MFAP1: variants seen among roughly 807,000 people sequenced by gnomAD.
The protein encoded by MFAP1 is microfibril associated protein 1.
In MFAP1, 18 loss-of-function variants were observed where a neutral mutation model predicts 62.2. The ratio of observed to expected loss-of-function variants is 0.29; its 90% CI spans 0.20 to 0.43. The LOEUF is 0.43. Ranked by LOEUF, MFAP1 falls within the 20% of genes least tolerant of loss-of-function variation. MFAP1 has a pLI of 1.00. For missense variants in MFAP1, 355 were observed against 559.7 expected (o/e 0.63, Z 3.69); for synonymous variants, 175 against 180.4 (o/e 0.97, Z 0.24).
chr15:43,819,646 C>T (rs886365511), intron 1 of MFAP1, among the ~76,000 whole-genome samples: 2 of 152,166 alleles, frequency 1.3e-5, no homozygotes, highest in Admixed American at 1.3e-4. Flanking sequence ...TTCTCCCTGC[C>T]TCAGGCTCCT....
At chr15:43,817,078 GGAT>G in intron 2 of MFAP1, 148 bp downstream of exon 2, 1 of 805,190 alleles carries the variant, frequency 1.2e-6, no homozygotes, top group Non-Finnish European at 1.9e-6. Flanking sequence ...TGTGAAATGG[GGAT>G]AATAGCACCT....
Position 43,804,952 on chromosome 15 carries a change from C to CTAGCCCAGACT in MFAP1, c.*141_*142insAGTCTGGGCTA. 1.1e-6 allele frequency: 1 copy of CTAGCCCAGACT among 905,612 alleles called. No homozygotes were observed. Among genetic ancestry groups the CTAGCCCAGACT allele is most frequent in the Non-Finnish European group, 1.6e-6 (1 of 610,710 alleles). The allele number at this position is 905,612 out of a possible 1,614,324, so 56.1% of individuals were successfully genotyped here. ...AAACCTCACAAAGCACCTTCAAAGT[C>CTAGCCCAGACT]TGGGCTACCCAGTATCACAAGTATA... On this transcript the variant is annotated 3_prime_UTR_variant, in exon 9 of 9. Coordinates refer to ENST00000267812, the MANE Select transcript of MFAP1 (RefSeq NM_005926.3).
At chr15:43,823,729 A>G (rs1482371663) in intron 1 of MFAP1, among the ~76,000 whole-genome samples, 1 of 152,206 alleles carries the variant, frequency 6.6e-6, no homozygotes, top group African/African-American at 2.4e-5. Context: ...TAGGGAATAA[A>G]GTGTGGATTA....
At position 43,817,234 on chromosome 15, in the gene MFAP1, T is replaced by C. The variant is rs1336304024; in HGVS notation, c.294A>G (p.Glu98=). The stretch of plus-strand genomic sequence containing the variant: ...AACACAATCACAGACATTACCTCTC[T>C]TCCACATCTTCACTAATACGGTTCT... ...RLQNRISEDV[E]ERLARHRKIV... Residue 98 remains glutamate, a synonymous_variant, in exon 2 of 9, where the codon GAA becomes GAG. Coordinates refer to ENST00000267812, the MANE Select transcript of MFAP1 (RefSeq NM_005926.3). 1 of 1,613,190 alleles carries C rather than the reference T, an allele frequency of 6.2e-7. No individual in the cohort carries two copies. Among genetic ancestry groups the C allele is most frequent in the Non-Finnish European group, 8.5e-7 (1 of 1,179,982 alleles).
chr15:43,823,660 A>C (rs1304200685), intron 1 of MFAP1, among the ~76,000 whole-genome samples: 1 of 152,208 alleles, frequency 6.6e-6, no homozygotes, highest in Non-Finnish European at 1.5e-5. Flanking sequence ...TATGGGCATA[A>C]GACACCGTGC....
Position 43,814,554 on chromosome 15 carries a change from G to A in MFAP1, c.564C>T (p.Tyr188=), listed in dbSNP as rs1441402568. 1.9e-6 allele frequency: 3 copies of A among 1,614,048 alleles called. No individual in the cohort carries two copies. Among genetic ancestry groups the A allele is most frequent in the Non-Finnish European group, 2.5e-6 (3 of 1,180,048 alleles). The change falls in exon 4 of 9, where the codon TAC becomes TAT. Residue 188 remains tyrosine (Y), a synonymous_variant. Transcript: ENST00000267812. ...GCTCCATCTCATCTTCACTGTCTGT[G>A]TACTCTTCATACTCAGACTCTGATT... ...ESESESEYEE[Y]TDSEDEMEPR...
chr15:43,805,833 C>T (rs186892014), intron 7 of MFAP1, among the ~76,000 whole-genome samples: 19 of 152,054 alleles, frequency 1.2e-4, no homozygotes, highest in Admixed American at 8.5e-4. Context: ...CAGATGGTCT[C>T]GATATCCCGA....
At chr15:43,807,722 A>G (rs2087374797) in intron 7 of MFAP1, among the ~76,000 whole-genome samples, 1 of 151,390 alleles carries the variant, frequency 6.6e-6, no homozygotes, top group Admixed American at 6.6e-5. Flanking sequence ...CAAATATAAC[A>G]TCTCTCTCGT....
chr15:43,806,873 AAAATAAATAAAT>A (rs568880077), intron 7 of MFAP1, among the ~76,000 whole-genome samples: 1 of 151,690 alleles, frequency 6.6e-6, no homozygotes, highest in East Asian at 2.0e-4. Flanking sequence ...TTCCATCTCA[AAAATAAATAAAT>A]AAATAAATAA....
At chr15:43,807,637 C>T (rs149509308) in intron 7 of MFAP1, among the ~76,000 whole-genome samples, 1,616 of 152,028 alleles carry the variant, frequency 0.011, 30 homozygotes, top group African/African-American at 0.036. Flanking sequence ...CGTGAGCCAC[C>T]GCGCCCGGCC....
intron 1 of MFAP1, among the ~76,000 whole-genome samples, chr15:43,819,214 CA>C (rs1333534244): frequency 6.6e-6 from 1 of 151,420 alleles, no homozygotes; most frequent in Admixed American, 6.6e-5. Context: ...CAAAACAAAA[CA>C]AAATTCCAAA....
intron 1 of MFAP1, among the ~76,000 whole-genome samples, chr15:43,818,958 A>G (rs541539404): frequency 2.3e-4 from 35 of 152,206 alleles, no homozygotes; most frequent in African/African-American, 8.4e-4. Context: ...TTGGAAAGCC[A>G]AGGTGGGCAG....
In MFAP1 at chr15:43,805,415, C is replaced by T; in HGVS notation, c.1098G>A (p.Glu366=). The stretch of plus-strand genomic sequence containing the variant: ...GAAGAATGGTTTTATTGAAATGATC[C>T]TCCAGGGTAGGAGCGCTGAAATCTC... ...YKRDFSAPTL[E]DHFNKTILPK... is the part of the protein sequence containing the mutation. Residue 366 remains glutamate, a synonymous_variant, in exon 8 of 9, where the codon GAG becomes GAA. Transcript: ENST00000267812. The T allele has an allele frequency of 6.2e-7, 1 of 1,613,762 alleles. No individual in the cohort carries two copies. Among genetic ancestry groups the T allele is most frequent in the East Asian group, 2.2e-5 (1 of 44,888 alleles).
chr15:43,809,277 A>G (rs2087383388), intron 7 of MFAP1, among the ~76,000 whole-genome samples: 1 of 151,562 alleles, frequency 6.6e-6, no homozygotes. Context: ...CAGAAGGTCA[A>G]CACCAGCCTG....
rs1202432230 is a variant in MFAP1 at position 43,824,550 on chromosome 15, A to G, written c.20T>C (p.Leu7Pro). Residue 7 changes from leucine (L) to proline (P), a missense_variant, in exon 1 of 9, where the codon CTC becomes CCC. By Grantham distance (98) the Leu-to-Pro change is moderately conservative (BLOSUM62 -3). Coordinates refer to ENST00000267812, the MANE Select transcript of MFAP1 (RefSeq NM_005926.3). ...AGACTGAATGGGCGGTTGCTTCATG[A>G]GAGCGCTTGGGACCGACATGTTGAT... Reference protein sequence around the residue: MSVPSALMKQPPIQSTA... With the variant: MSVPSAPMKQPPIQSTA... 6.2e-7 allele frequency: 1 copy of G among 1,614,192 alleles called. No individual in the cohort carries two copies. The highest frequency in any genetic ancestry group is 2.2e-5 in the East Asian group (1 of 44,884).
intron 6 of MFAP1, among the ~76,000 whole-genome samples, chr15:43,810,918 G>A (rs1010902393): frequency 3.3e-5 from 5 of 151,288 alleles, no homozygotes; most frequent in Non-Finnish European, 7.4e-5. Flanking sequence ...CACCATGCCC[G>A]ACTAATTTTT....
Position 43,814,609 on chromosome 15 carries a change from T to C in MFAP1, c.509A>G (p.Glu170Gly). 6.2e-7 allele frequency: 1 copy of C among 1,614,176 alleles called. No individual in the cohort carries two copies. The highest frequency in any genetic ancestry group is 8.5e-7 in the Non-Finnish European group (1 of 1,180,028). The change falls in exon 4 of 9, where the codon GAA becomes GGA. Residue 170 changes from glutamate (E) to glycine (G), a missense_variant. Glu to Gly is a moderately conservative substitution (Grantham distance 98). This residue lies in a region of MFAP1 where 257 missense variants were observed against 341.3 expected (regional missense o/e 0.75). Transcript: ENST00000267812. ...CTCCTCTCCAGAACGACCCTCATCT[T>C]CCACTTCCATGACTTCCATCTCTTC... ...KNEEMEVMEV[E>G]DEGRSGEESE...
chr15:43,824,666 C>A lies in MFAP1; in HGVS notation c.-97G>T, dbSNP rs2087488401. On this transcript the variant is annotated 5_prime_UTR_variant, in exon 1 of 9. Transcript: ENST00000267812. ...GAGAAGAAATTCCTTCCACCTGAGT[C>A]CGCGAACACAGCTGCGCGACTGATA... The A allele has an allele frequency of 3.2e-6, 4 of 1,258,748 alleles. No individual in the cohort carries two copies. The highest frequency in any genetic ancestry group is 1.9e-4 in the Middle Eastern group (1 of 5,396). The allele number at this position is 1,258,748 out of a possible 1,614,324, so 78.0% of individuals were successfully genotyped here. A position where few individuals can be genotyped will look rare whatever the true frequency, so the allele number is the denominator to read the frequency against.
chr15:43,820,660 C>T (rs921332689), intron 1 of MFAP1, among the ~76,000 whole-genome samples: 6 of 152,144 alleles, frequency 3.9e-5, no homozygotes, highest in African/African-American at 1.2e-4. Context: ...GGGTGGAGTG[C>T]GGTGGCGCAA....
Sources: allele counts gnomAD v4.1 joint callset (sites outside exome capture counted in the v4.1 genomes callset), GRCh38; gene constraint gnomAD v4.1.1; regional missense constraint gnomAD v4.1.1; transcripts MANE v1.5; gene names NCBI Gene and HGNC (gene_info 2026-07-23, HGNC 2026-07-21).